Variants in VTI1A observed in about 807,000 individuals in gnomAD.
VTI1A encodes the protein vesicle transport through interaction with t-SNAREs 1A.
Under a neutral mutation model 34.9 loss-of-function variants are expected in VTI1A, and 22 were observed. The observed-to-expected ratio is 0.63, with a 90% confidence interval of 0.45 to 0.90. VTI1A has a LOEUF of 0.90. Ranked by LOEUF, VTI1A falls within the 40% of genes least tolerant of loss-of-function variation. The pLI, the probability that VTI1A is intolerant of heterozygous loss-of-function variation, is 0.00. For synonymous variants in VTI1A, 87 were observed against 97.3 expected, an observed-to-expected ratio of 0.89 and a Z score of 0.62; for missense variants, 268 against 275.6, an observed-to-expected ratio of 0.97 and a Z score of 0.20.
the VTI1A span, among the ~76,000 whole-genome samples, chr10:112,854,221 G>A: frequency 6.6e-6 from 1 of 152,202 alleles, no homozygotes; most frequent in East Asian, 1.9e-4. Context: ...TGGCCACAAA[G>A]CCTTCTAACA....
At position 112,735,259 on chromosome 10, in the gene VTI1A, G is replaced by A. The variant is rs141065001; in HGVS notation, c.560+66261G>A. 3.2e-3 allele frequency among the ~76,000 whole-genome samples: 493 copies of A among 152,240 alleles called. 4 individuals are homozygous for A. The highest frequency in any genetic ancestry group is 0.01 in the African/African-American group (424 of 41,530). The stretch of plus-strand genomic sequence containing the variant: ...CATTTTGAGATTGTGTGATAGACTC[G>A]ATTGAATTTAGGCCAAATCCTGTAC... On this transcript the variant is annotated intron_variant, in intron 7 of 7. Transcript: ENST00000393077.
the VTI1A span, among the ~76,000 whole-genome samples, chr10:112,843,799 C>T: frequency 9.9e-5 from 15 of 152,230 alleles, no homozygotes; most frequent in Middle Eastern, 6.8e-3. Context: ...CCCCCAATCC[C>T]CTGTCCTTAT....
chr10:112,793,305 G>C (rs569215638), intron 7 of VTI1A, among the ~76,000 whole-genome samples: 12 of 152,322 alleles, frequency 7.9e-5, no homozygotes, highest in African/African-American at 2.2e-4. Context: ...GCAAAGTGTC[G>C]ATGTTATGGG....
chr10:112,623,213 G>A (rs1845794109), intron 5 of VTI1A, among the ~76,000 whole-genome samples: 1 of 152,070 alleles, frequency 6.6e-6, no homozygotes, highest in Admixed American at 6.6e-5. Context: ...CCTCTGTTTT[G>A]GGGTAACACT....
chr10:112,575,771 T>C (rs774014029), intron 5 of VTI1A, among the ~76,000 whole-genome samples: 4 of 152,246 alleles, frequency 2.6e-5, no homozygotes, highest in Non-Finnish European at 4.4e-5. Context: ...GTCTTTTTAA[T>C]TTTCTCAGCA....
chr10:112,629,889 T>A (rs1325422810), intron 5 of VTI1A, among the ~76,000 whole-genome samples: 1 of 152,230 alleles, frequency 6.6e-6, no homozygotes, highest in Non-Finnish European at 1.5e-5. Context: ...CATAAGTCTT[T>A]CTGTGGAGTA....
intron 4 of VTI1A, among the ~76,000 whole-genome samples, chr10:112,532,821 A>G (rs752969553): frequency 3.9e-5 from 6 of 152,128 alleles, no homozygotes; most frequent in African/African-American, 7.2e-5. Flanking sequence ...AAATGAAAAC[A>G]TGCCACATGA....
At chr10:112,683,124 A>T (rs909386334) in intron 7 of VTI1A, among the ~76,000 whole-genome samples, 15 of 152,266 alleles carry the variant, frequency 9.9e-5, no homozygotes, top group Non-Finnish European at 2.1e-4. Context: ...TAGTTTCAAC[A>T]TTGGAGATGC....
rs145119083 is a variant in VTI1A, at chr10:112,576,755, G to A, written c.427+38425G>A. Reference sequence around the variant, plus strand: ...CATTCTATATTTGAGTGCCAAATATGTACAGGGCTTTAGGCTATATATGTC... The same window carrying A: ...CATTCTATATTTGAGTGCCAAATATATACAGGGCTTTAGGCTATATATGTC... On this transcript the variant is annotated intron_variant, in intron 5 of 7. Transcript: ENST00000393077. Among the ~76,000 whole-genome samples, 415 of 152,228 alleles carry A rather than the reference G, an allele frequency of 2.7e-3. 2 individuals carry two copies. The highest frequency in any genetic ancestry group is 4.3e-3 in the Non-Finnish European group (290 of 68,002).
intron 3 of VTI1A, among the ~76,000 whole-genome samples, chr10:112,512,051 T>C (rs1289965375): frequency 6.6e-6 from 1 of 152,162 alleles, no homozygotes; most frequent in African/African-American, 2.4e-5. Context: ...CTTTGATATA[T>C]TGATTTCTTT....
chr10:112,650,269 C>T (rs1028912132), intron 5 of VTI1A, among the ~76,000 whole-genome samples: 1 of 152,046 alleles, frequency 6.6e-6, no homozygotes, highest in Admixed American at 6.6e-5. Context: ...AACTAAGACA[C>T]AAACACATAC....
At chr10:112,645,457 A>C (rs1846735907) in intron 5 of VTI1A, among the ~76,000 whole-genome samples, 1 of 152,222 alleles carries the variant, frequency 6.6e-6, no homozygotes, top group African/African-American at 2.4e-5. Context: ...GTCACCCATG[A>C]TTGCAGAAGT....
chr10:112,515,033 AAAATGTAAATATT>A (rs1849728116), intron 3 of VTI1A, among the ~76,000 whole-genome samples: 1 of 152,108 alleles, frequency 6.6e-6, no homozygotes, highest in Non-Finnish European at 1.5e-5. Context: ...AAACATTTAA[AAAATGTAAATATT>A]TACATTTGAA....
At chr10:112,820,100 C>T (rs1853626220), downstream of VTI1A, among the ~76,000 whole-genome samples, 1 of 152,204 alleles carries the variant, frequency 6.6e-6, no homozygotes, top group Non-Finnish European at 1.5e-5. Context: ...GGGACCTGGC[C>T]TCAAGCCTCT....
rs560010312 is a variant in VTI1A at position 112,495,952 on chromosome 10, G to A, written c.265-31135G>A. On this transcript the variant is annotated intron_variant, in intron 3 of 7. Coordinates refer to ENST00000393077, the MANE Select transcript of VTI1A (RefSeq NM_145206.4). The stretch of plus-strand genomic sequence containing the variant: ...GTTGAATGCTATTGAGAAGCTGAGT[G>A]AAATGAAGACATAAAAAAGTATCTA... Among the ~76,000 whole-genome samples the A allele has an allele frequency of 2.6e-5, 4 of 152,324 alleles. No individual in the cohort carries two copies. In the East Asian group the frequency reaches 7.7e-4, roughly 29 times the overall value.
At chr10:112,827,582 C>A in the VTI1A span, 1 of 152,014 alleles carries the variant, frequency 6.6e-6, no homozygotes, top group Non-Finnish European at 1.5e-5. Flanking sequence ...TATTTATTTG[C>A]TTTATTCCAT....
At chr10:112,771,973 G>A (rs1241182223) in intron 7 of VTI1A, among the ~76,000 whole-genome samples, 1 of 152,162 alleles carries the variant, frequency 6.6e-6, no homozygotes, top group Non-Finnish European at 1.5e-5. Flanking sequence ...GGACATTTAG[G>A]TTGTTTCTGC....
chr10:112,618,735 A>G (rs1225466622), intron 5 of VTI1A, among the ~76,000 whole-genome samples: 1 of 151,892 alleles, frequency 6.6e-6, no homozygotes, highest in Non-Finnish European at 1.5e-5. Context: ...AAGTGTTGCT[A>G]TATATACATT....
intron 7 of VTI1A, among the ~76,000 whole-genome samples, chr10:112,715,173 A>G (rs780813147): frequency 6.6e-6 from 1 of 152,186 alleles, no homozygotes; most frequent in African/African-American, 2.4e-5. Flanking sequence ...AAATTGCACC[A>G]TGTTATTCAG....
Sources: allele counts gnomAD v4.1 joint callset (sites outside exome capture counted in the v4.1 genomes callset), GRCh38; gene constraint gnomAD v4.1.1; transcripts MANE v1.5; gene names NCBI Gene and HGNC (gene_info 2026-07-23, HGNC 2026-07-21).